BLM: variants seen among roughly 807,000 people sequenced by gnomAD.
The protein encoded by BLM is BLM RecQ like helicase, also known as recQ-like DNA helicase BLM.
A neutral mutation model predicts 135.3 loss-of-function variants in BLM; 95 were observed. The observed-to-expected ratio is 0.70, with a 90% confidence interval of 0.59 to 0.83. The LOEUF is 0.83. Among genes scored for constraint, BLM ranks in the 40% least tolerant of loss-of-function variants. The probability of loss-of-function intolerance (pLI) is 0.00; values close to 1 mark genes in which losing one functional copy is unlikely to be tolerated. For missense variants in BLM, 1,518 were observed against 1,663.9 expected, an observed-to-expected ratio of 0.91 and a Z score of 1.53; for synonymous variants, 520 against 589.2, an observed-to-expected ratio of 0.88 and a Z score of 1.70.
At chr15:90,738,858 G>C (rs1349413909) in intron 1 of BLM, among the ~76,000 whole-genome samples, 1 of 152,166 alleles carries the variant, frequency 6.6e-6, no homozygotes, top group Non-Finnish European at 1.5e-5. Flanking sequence ...TGGAAAAATG[G>C]GAAGCCCTGT....
chr15:90,724,655 T>G (rs901733883), intron 1 of BLM, among the ~76,000 whole-genome samples: 1 of 152,146 alleles, frequency 6.6e-6, no homozygotes, highest in African/African-American at 2.4e-5. Flanking sequence ...TATCAGCTTA[T>G]TATAAACAAC....
At chr15:90,787,681 G>T (rs757565610) in intron 14 of BLM, among the ~76,000 whole-genome samples, 1 of 152,156 alleles carries the variant, frequency 6.6e-6, no homozygotes, top group Non-Finnish European at 1.5e-5. Context: ...AGGTGCAGTG[G>T]CTCACCCCTG....
chr15:90,724,820 C>T (rs1490649195), intron 1 of BLM, among the ~76,000 whole-genome samples: 2 of 152,132 alleles, frequency 1.3e-5, no homozygotes, highest in African/African-American at 2.4e-5. Context: ...TGGGTTTTTA[C>T]GTAGGCCTCC....
chr15:90,752,207 G>T (rs1199603385), intron 4 of BLM, among the ~76,000 whole-genome samples: 1 of 147,722 alleles, frequency 6.8e-6, no homozygotes, highest in Non-Finnish European at 1.5e-5. Context: ...AGACAGTCTC[G>T]CTCTGTCACC....
chr15:90,743,681 A>G (rs754829067), intron 1 of BLM, among the ~76,000 whole-genome samples: 8 of 152,176 alleles, frequency 5.3e-5, no homozygotes, highest in Non-Finnish European at 1.0e-4. Flanking sequence ...CTGAGACTAC[A>G]GGCATGTTGG....
intron 13 of BLM, 150 bp downstream of exon 13, chr15:90,783,078 C>G: frequency 3.1e-6 from 2 of 649,782 alleles, no homozygotes; most frequent in Non-Finnish European, 5.5e-6. Context: ...GCAACTCTCT[C>G]AATTCTGGAA....
intron 19 of BLM, among the ~76,000 whole-genome samples, chr15:90,805,259 ATG>A (rs1213699118): frequency 3.5e-3 from 211 of 60,194 alleles, no homozygotes; most frequent in African/African-American, 7.3e-3. Context: ...ATGGTACCCT[ATG>A]TATGTTATAT....
chr15:90,814,121 C>G (rs1248943252), intron 21 of BLM, among the ~76,000 whole-genome samples: 2 of 152,252 alleles, frequency 1.3e-5, no homozygotes, highest in East Asian at 3.8e-4. Context: ...TGCAGTAAAA[C>G]TGCCTTGGAG....
At chr15:90,769,380 C>T in intron 11 of BLM, 58 bp from the exon 12 acceptor site, 2 of 1,604,810 alleles carry the variant, frequency 1.2e-6, no homozygotes, top group Non-Finnish European at 8.5e-7. Context: ...GCAGTGTTGG[C>T]TTTTTATAGA....
chr15:90,753,359 A>C lies in BLM; in HGVS notation c.959+1413A>C, dbSNP rs373311406. 7.5e-4 allele frequency among the ~76,000 whole-genome samples: 115 copies of C among 152,342 alleles called. 4 individuals carry two copies. In the South Asian group the frequency reaches 0.024, roughly 32 times the overall value. On this transcript the variant is annotated intron_variant, in intron 4 of 21. Coordinates refer to ENST00000355112, the MANE Select transcript of BLM (RefSeq NM_000057.4). Reference sequence around the variant, plus strand: ...TGTGTTTGATTTCTGCATTGTTGTAATCAACATGTAATTATAATTTTATAT... The same window carrying C: ...TGTGTTTGATTTCTGCATTGTTGTACTCAACATGTAATTATAATTTTATAT...
intron 1 of BLM, among the ~76,000 whole-genome samples, chr15:90,727,579 C>G (rs1432203765): frequency 6.6e-6 from 1 of 152,068 alleles, no homozygotes; most frequent in Non-Finnish European, 1.5e-5. Flanking sequence ...AGGAAGGTGC[C>G]TAAGTGACCA....
At chr15:90,738,982 G>T (rs867930422) in intron 1 of BLM, among the ~76,000 whole-genome samples, 2 of 152,290 alleles carry the variant, frequency 1.3e-5, no homozygotes, top group South Asian at 2.1e-4. Flanking sequence ...AAAGATATTT[G>T]TACACCCATG....
rs529704731 is a variant in BLM, at chr15:90,810,065, C to G, written c.3874+806C>G. On this transcript the variant is annotated intron_variant, in intron 20 of 21. Coordinates refer to ENST00000355112, the MANE Select transcript of BLM (RefSeq NM_000057.4). Reference sequence around the variant, plus strand: ...TGAGATAGTTCAAGTTCTCTCTTTACCTAGTCGCTTTTTTTTTTTTTGACA... The same window carrying G: ...TGAGATAGTTCAAGTTCTCTCTTTAGCTAGTCGCTTTTTTTTTTTTTGACA... Among the ~76,000 whole-genome samples, 13 of 136,294 alleles carry G rather than the reference C, an allele frequency of 9.5e-5. No individual in the cohort carries two copies. The East Asian group carries it at 3.0e-3, about 31-fold the overall frequency. 89.4% of individuals were successfully genotyped at this position (136,294 alleles called of 152,430 possible).
chr15:90,769,222 T>C lies in BLM; in HGVS notation c.2397T>C (p.Cys799=), dbSNP rs771209978. Residue 799 remains cysteine (C), a synonymous_variant, in exon 11 of 22, where the codon TGT becomes TGC. Coordinates refer to ENST00000355112, the MANE Select transcript of BLM (RefSeq NM_000057.4). ...GTTTTGTTATTGATGAAGCACATTG[T>C]GTCAGTCAGGTAAATACTGTTTTTT... ...LARFVIDEAH[C]VSQWGHDFRQ... 1.9e-5 allele frequency: 31 copies of C among 1,609,420 alleles called. No homozygotes were observed. The highest frequency in any genetic ancestry group is 2.6e-5 in the Non-Finnish European group (30 of 1,175,680).
chr15:90,729,064 C>T (rs766029319), intron 1 of BLM, among the ~76,000 whole-genome samples: 7 of 152,056 alleles, frequency 4.6e-5, no homozygotes, highest in Non-Finnish European at 7.4e-5. Flanking sequence ...AATCCCAGCA[C>T]TTTGAGAGGC....
At chr15:90,728,832 C>G (rs1894987478) in intron 1 of BLM, among the ~76,000 whole-genome samples, 1 of 152,168 alleles carries the variant, frequency 6.6e-6, no homozygotes, top group South Asian at 2.1e-4. Context: ...CCTAAACACA[C>G]TGTCTTAGTT....
At chr15:90,732,481 G>A (rs1053041472) in intron 1 of BLM, among the ~76,000 whole-genome samples, 1 of 151,382 alleles carries the variant, frequency 6.6e-6, no homozygotes, top group Non-Finnish European at 1.5e-5. Flanking sequence ...AAGCAGAAAG[G>A]CCCTTCCATC....
At chr15:90,743,051 C>A (rs1475513928) in intron 1 of BLM, among the ~76,000 whole-genome samples, 1 of 148,732 alleles carries the variant, frequency 6.7e-6, no homozygotes, top group Non-Finnish European at 1.5e-5. Flanking sequence ...CCAGCTGGAG[C>A]AGTGGCACAG....
intron 10 of BLM, among the ~76,000 whole-genome samples, chr15:90,767,346 C>T (rs1896162571): frequency 6.6e-6 from 1 of 152,196 alleles, no homozygotes; most frequent in African/African-American, 2.4e-5. Context: ...TGATGCAGTA[C>T]TATTACTTAA....
Sources: allele counts gnomAD v4.1 joint callset (sites outside exome capture counted in the v4.1 genomes callset), GRCh38; gene constraint gnomAD v4.1.1; transcripts MANE v1.5; gene names NCBI Gene and HGNC (gene_info 2026-07-23, HGNC 2026-07-21).